PMEL: variants seen among roughly 807,000 people sequenced by gnomAD.
PMEL encodes melanocyte protein PMEL.
PMEL carries 53 observed loss-of-function variants against 64.9 expected under a neutral mutation model. That is an observed-to-expected ratio of 0.82 (90% CI 0.66 to 1.03). The LOEUF (loss-of-function observed/expected upper bound fraction) is 1.03. Among genes scored for constraint, PMEL ranks in the 50% least tolerant of loss-of-function variants. The probability of loss-of-function intolerance (pLI) is 0.00; values close to 1 mark genes in which losing one functional copy is unlikely to be tolerated. For missense variants in PMEL, 716 were observed against 814.9 expected (o/e 0.88, Z 1.48); for synonymous variants, 299 against 316.2 (o/e 0.95, Z 0.58).
At chr12:55,965,828 G>A in intron 1 of PMEL, 108 bp downstream of exon 1, 1 of 1,342,238 alleles carries the variant, frequency 7.5e-7, no homozygotes, top group Non-Finnish European at 1.1e-6. Flanking sequence ...AAATGAGTGG[G>A]AGACGCCTGA....
intron 1 of PMEL, among the ~76,000 whole-genome samples, chr12:55,963,806 G>T (rs1056180476): frequency 6.6e-6 from 1 of 152,130 alleles, no homozygotes; most frequent in African/African-American, 2.4e-5. Context: ...GGGATATAAT[G>T]TATGTATTTC....
chr12:55,962,719 C>T (rs1338076495), intron 1 of PMEL, among the ~76,000 whole-genome samples: 3 of 151,174 alleles, frequency 2.0e-5, no homozygotes, highest in Non-Finnish European at 4.4e-5. Context: ...CGCCATGTTT[C>T]ATGGTTTCTC....
At position 55,961,618 on chromosome 12, in the gene PMEL, C is replaced by T; in HGVS notation, c.187+4G>A. 6.2e-7 allele frequency: 1 copy of T among 1,612,012 alleles called. No individual in the cohort carries two copies. The highest frequency in any genetic ancestry group is 8.5e-7 in the Non-Finnish European group (1 of 1,178,336). On this transcript the variant is annotated splice_donor_region_variant and intron_variant, in intron 2 of 10. Coordinates refer to ENST00000548747, the MANE Select transcript of PMEL (RefSeq NM_001384361.1). ...GCCCTCCCCTGGAACTTCCAAGTTCCTACCTCTCCAGCAGTCAAGTCTCTG... is the reference window on the plus strand; with the variant it reads ...GCCCTCCCCTGGAACTTCCAAGTTCTTACCTCTCCAGCAGTCAAGTCTCTG...
chr12:55,962,810 C>T (rs1173071725), intron 1 of PMEL, among the ~76,000 whole-genome samples: 11 of 151,724 alleles, frequency 7.3e-5, no homozygotes, highest in African/African-American at 2.2e-4. Flanking sequence ...GGATTATAGG[C>T]GTGAGCCACT....
In PMEL at chr12:55,961,614, G is replaced by A. The variant is rs1338531576; in HGVS notation, c.187+8C>T. 26 of 1,610,770 alleles carry A rather than the reference G, an allele frequency of 1.6e-5. No individual in the cohort carries two copies. Among genetic ancestry groups the A allele is most frequent in the Non-Finnish European group, 2.2e-5 (26 of 1,177,276 alleles). On this transcript the variant is annotated splice_region_variant and intron_variant, in intron 2 of 10. Transcript: ENST00000548747. ...CCATGCCCTCCCCTGGAACTTCCAA[G>A]TTCCTACCTCTCCAGCAGTCAAGTC... is the stretch of plus-strand genomic sequence containing the variant.
At chr12:55,964,685 GTGT>G (rs2136451504) in intron 1 of PMEL, among the ~76,000 whole-genome samples, 1 of 152,014 alleles carries the variant, frequency 6.6e-6, no homozygotes, top group Admixed American at 6.6e-5. Context: ...GAATGCAATG[GTGT>G]GATCTCGGCT....
intron 4 of PMEL, 179 bp from the exon 5 acceptor site, chr12:55,958,263 G>A: frequency 2.6e-6 from 2 of 769,612 alleles, no homozygotes; most frequent in Non-Finnish European, 2.0e-6. Context: ...ATTCCATGGG[G>A]TAGGACTACA....
intron 1 of PMEL, among the ~76,000 whole-genome samples, chr12:55,962,300 G>T (rs1191156888): frequency 6.7e-6 from 1 of 149,910 alleles, no homozygotes; most frequent in African/African-American, 2.4e-5. Context: ...AAAATTAGCC[G>T]GGCATGGTGG....
In PMEL at chr12:55,955,364, G is replaced by A. The variant is rs753931391; in HGVS notation, c.1763-3C>T. ...CTGCCCAAGGCCTGCTTCTTGACCTGTGAGAAGAATCCCAGGCACTGCTTC... is the reference window on the plus strand; with the variant it reads ...CTGCCCAAGGCCTGCTTCTTGACCTATGAGAAGAATCCCAGGCACTGCTTC... On this transcript the variant is annotated splice_polypyrimidine_tract_variant and splice_region_variant and intron_variant, in intron 9 of 10. Coordinates refer to ENST00000548747, the MANE Select transcript of PMEL (RefSeq NM_001384361.1). 1.9e-6 allele frequency: 3 copies of A among 1,614,164 alleles called. No individual in the cohort carries two copies. In the South Asian group the frequency reaches 3.3e-5, roughly 18 times the overall value.
chr12:55,965,431 C>T (rs1423288374), intron 1 of PMEL, among the ~76,000 whole-genome samples: 3 of 148,988 alleles, frequency 2.0e-5, no homozygotes, highest in Non-Finnish European at 4.5e-5. Flanking sequence ...TGTCACGAGG[C>T]CCAATCCCCC....
upstream of PMEL, chr12:55,966,518 T>C (rs1360777808): frequency 7.1e-6 from 2 of 280,958 alleles, no homozygotes; most frequent in African/African-American, 4.6e-5. Context: ...TCGATACATA[T>C]TTTCCCCAGG....
intron 7 of PMEL, 97 bp from the exon 8 acceptor site, chr12:55,955,960 T>A: frequency 8.4e-7 from 1 of 1,184,752 alleles, no homozygotes. Context: ...ACCAATCCCA[T>A]CCCTGTGCTT....
intron 6 of PMEL, 121 bp from the exon 7 acceptor site, chr12:55,956,340 G>GAATCAGATAAGACCTGGGA (rs1300949804): frequency 4.4e-6 from 3 of 680,596 alleles, no homozygotes; most frequent in Admixed American, 2.4e-5. Context: ...CACAGGCTTG[G>GAATCAGATAAGACCTGGGA]AATCAGATAA....
At chr12:55,962,959 G>C (rs539289121) in intron 1 of PMEL, among the ~76,000 whole-genome samples, 7 of 151,918 alleles carry the variant, frequency 4.6e-5, no homozygotes, top group African/African-American at 1.4e-4. Flanking sequence ...TCAGGAGTTC[G>C]AGACCAGCCT....
At chr12:55,958,370 A>C in intron 4 of PMEL, 103 bp downstream of exon 4, 1 of 1,201,288 alleles carries the variant, frequency 8.3e-7, no homozygotes, top group Non-Finnish European at 1.2e-6. Context: ...AGATTAGAGA[A>C]AATCACAGAA....
Position 55,958,090 on chromosome 12 carries a change from G to A in PMEL, c.470-6C>T, listed in dbSNP as rs1767724972. 6.2e-7 allele frequency: 1 copy of A among 1,613,524 alleles called. No homozygotes were observed. The highest frequency in any genetic ancestry group is 2.2e-5 in the East Asian group (1 of 44,874). ...TAGAACTTGCCAGTATTGGCCTGAA[G>A]TTTTTGGAATGAAAAGCAAGGAAGA... On this transcript the variant is annotated splice_polypyrimidine_tract_variant and splice_region_variant and intron_variant, in intron 4 of 10. Coordinates refer to ENST00000548747, the MANE Select transcript of PMEL (RefSeq NM_001384361.1).
At chr12:55,963,969 CTTCCCTTTCCT>C (rs938929164) in intron 1 of PMEL, among the ~76,000 whole-genome samples, 15 of 151,610 alleles carry the variant, frequency 9.9e-5, no homozygotes, top group African/African-American at 3.6e-4. Flanking sequence ...CAGAAACTTC[CTTCCCTTTCCT>C]TTCCCTTTCC....
In PMEL at chr12:55,960,537, G is replaced by GTTTTTT. The variant is rs760692409; in HGVS notation, c.334+774_334+779dup. 6.2e-4 allele frequency among the ~76,000 whole-genome samples: 60 copies of GTTTTTT among 97,286 alleles called. 1 individual carries two copies. The highest frequency in any genetic ancestry group is 2.1e-3 in the African/African-American group (46 of 22,136). 63.8% of individuals were successfully genotyped at this position (97,286 alleles called of 152,430 possible). A position where few individuals can be genotyped will look rare whatever the true frequency, so the allele number is the denominator to read the frequency against. The stretch of plus-strand genomic sequence containing the variant: ...TAATTTTCTTTTCTTTTTGCTTTCT[G>GTTTTTT]TTTTTTTTTTTTTTTTTTTTTTTGA... On this transcript the variant is annotated intron_variant, in intron 3 of 10. Coordinates refer to ENST00000548747, the MANE Select transcript of PMEL (RefSeq NM_001384361.1).
Position 55,957,353 on chromosome 12 carries a change from G to C in PMEL, c.950C>G (p.Ala317Gly). The change falls in exon 6 of 11, where the codon GCA becomes GGA. Residue 317 changes from alanine to glycine, a missense_variant. Ala to Gly is a moderately conservative substitution (Grantham distance 60). Transcript: ENST00000548747. ...GCCAGCTGTGGTGTTAGGGGCCTCT[G>C]CAGTTGGCCTGTGCCCATCTGTGGT... ...PGTTDGHRPT[A>G]EAPNTTAGQV... 1 of 1,596,596 alleles carries C rather than the reference G, an allele frequency of 6.3e-7. No individual in the cohort carries two copies. The highest frequency in any genetic ancestry group is 8.5e-7 in the Non-Finnish European group (1 of 1,169,768).
Sources: gnomAD v4.1 joint callset for allele counts (sites outside exome capture counted in the v4.1 genomes callset) on GRCh38, gnomAD v4.1.1 for gene constraint, MANE v1.5 for transcripts, NCBI Gene and HGNC (gene_info 2026-07-23, HGNC 2026-07-21) for gene names.